Variants in NTSR2 observed in about 807,000 individuals in gnomAD.
The protein encoded by NTSR2 is neurotensin receptor 2.
In NTSR2, 22 loss-of-function variants were observed where a neutral mutation model predicts 24.1. The ratio of observed to expected loss-of-function variants is 0.91; its 90% CI spans 0.65 to 1.30. The LOEUF (loss-of-function observed/expected upper bound fraction) is 1.30. Ranked by LOEUF, NTSR2 falls within the 50% of genes most tolerant of loss-of-function variation. NTSR2 has a pLI of 0.00. For missense variants in NTSR2, 570 were observed against 570.4 expected, an observed-to-expected ratio of 1.00 and a Z score of 0.01; for synonymous variants, 291 against 267.0, an observed-to-expected ratio of 1.09 and a Z score of -0.88.
intron 2 of NTSR2, 35 bp from the exon 3 acceptor site, chr2:11,660,168 G>C (rs376176688): frequency 3.9e-6 from 6 of 1,542,220 alleles, no homozygotes. Flanking sequence ...ACAGCGCCAG[G>C]AGAAAGCAAA....
At chr2:11,669,460 G>GGGGGGGGGGGCCCCCCCCC in intron 1 of NTSR2, 46 bp downstream of exon 1, 1 of 254,720 alleles carries the variant, frequency 3.9e-6, no homozygotes. Flanking sequence ...TCCCAGCACC[G>GGGGGGGGGGGCCCCCCCCC]CCCCCCCACC....
intron 1 of NTSR2, among the ~76,000 whole-genome samples, chr2:11,668,194 C>A (rs926166503): frequency 1.1e-4 from 16 of 152,230 alleles, no homozygotes; most frequent in African/African-American, 3.9e-4. Context: ...TCATGGATTT[C>A]TCTTGGTCAT....
chr2:11,658,292 G>C lies in NTSR2; in HGVS notation c.*187C>G. The C allele has an allele frequency of 1.5e-6, 1 of 650,514 alleles. No homozygotes were observed. The highest frequency in any genetic ancestry group is 2.6e-6 in the Non-Finnish European group (1 of 391,320). The allele number at this position is 650,514 out of a possible 1,614,324, so 40.3% of individuals were successfully genotyped here. A position where few individuals can be genotyped will look rare whatever the true frequency, so the allele number is the denominator to read the frequency against. ...TGTTCTTTATCTCCACTACACAGAC[G>C]AGGGAGCCTGAGGCTAGGAGGGGTC... On this transcript the variant is annotated 3_prime_UTR_variant, in exon 4 of 4. Transcript: ENST00000306928.
chr2:11,665,055 GTTTTTTTTT>G (rs34751276), intron 1 of NTSR2, among the ~76,000 whole-genome samples: 16 of 106,680 alleles, frequency 1.5e-4, no homozygotes, highest in Middle Eastern at 4.7e-3. Context: ...CTTTGGCACT[GTTTTTTTTT>G]TTTTTTTTTT....
intron 1 of NTSR2, 47 bp downstream of exon 1, chr2:11,669,459 C>CGGGGCCGGGG: frequency 3.0e-6 from 1 of 337,896 alleles, no homozygotes; most frequent in Non-Finnish European, 5.3e-6. Context: ...CTCCCAGCAC[C>CGGGGCCGGGG]GCCCCCCCAC....
At chr2:11,659,041 C>T (rs1165689305) in intron 3 of NTSR2, among the ~76,000 whole-genome samples, 2 of 152,090 alleles carry the variant, frequency 1.3e-5, no homozygotes, top group African/African-American at 2.4e-5. Context: ...TTAGTAGAGA[C>T]GCGGTTTCAC....
chr2:11,659,971 A>G, intron 3 of NTSR2, 72 bp downstream of exon 3: 1 of 1,214,166 alleles, frequency 8.2e-7, no homozygotes, highest in Non-Finnish European at 1.2e-6. Context: ...CCCTCTGGAG[A>G]GCAATGGAGA....
In NTSR2 at chr2:11,658,503, C is replaced by T. The variant is rs150650740; in HGVS notation, c.1209G>A (p.Gly403=). The change falls in exon 4 of 4, where the codon GGG becomes GGA. Residue 403 remains glycine (G), a synonymous_variant. Transcript: ENST00000306928. Reference sequence around the variant, plus strand: ...TTCAGGTCCGGGTTTCTGGGGGATCCCCAAAGCCTGAAGCTGTATCCATTA... The same window carrying T: ...TTCAGGTCCGGGTTTCTGGGGGATCTCCAAAGCCTGAAGCTGTATCCATTA... ...PTLMDTASGF[G]DPPETRT is the part of the protein sequence containing the mutation. 2 of 1,607,572 alleles carry T rather than the reference C, an allele frequency of 1.2e-6. No individual in the cohort carries two copies. The highest frequency in any genetic ancestry group is 1.7e-6 in the Non-Finnish European group (2 of 1,176,178).
chr2:11,669,460 G>GGGGCGGGGGGGGCCCCCCC, intron 1 of NTSR2, 46 bp downstream of exon 1: 2 of 254,726 alleles, frequency 7.9e-6, no homozygotes, highest in Non-Finnish European at 6.9e-6. Flanking sequence ...TCCCAGCACC[G>GGGGCGGGGGGGGCCCCCCC]CCCCCCCACC....
At chr2:11,662,368 A>G (rs1661093494) in intron 1 of NTSR2, 128 bp from the exon 2 acceptor site, 8 of 898,860 alleles carry the variant, frequency 8.9e-6, no homozygotes, top group Admixed American at 3.1e-5. Context: ...GATAAGGTTG[A>G]GAAAGTTCTC....
Position 11,669,829 on chromosome 2 carries a change from A to AG in NTSR2, c.300dup (p.Trp101LeufsTer159), listed in dbSNP as rs751371456. 5 of 1,580,040 alleles carry AG rather than the reference A, an allele frequency of 3.2e-6. No individual in the cohort carries two copies. The highest frequency in any genetic ancestry group is 1.8e-5 in the Admixed American group (1 of 56,906). On this transcript the variant is annotated frameshift_variant, in exon 1 of 4. Transcript: ENST00000306928. LOFTEE classifies it high-confidence loss of function. ...CGGCAGCCCAGGTCGCCGAAGACCCAGGGGTAGTGGAACCACACGAAGCTG... is the reference window on the plus strand; with the variant it reads ...CGGCAGCCCAGGTCGCCGAAGACCCAGGGGGTAGTGGAACCACACGAAGCTG...
chr2:11,669,644 G>C lies in NTSR2; in HGVS notation c.486C>G (p.Ala162=). Residue 162 remains alanine, a synonymous_variant, in exon 1 of 4, where the codon GCC becomes GCG. Coordinates refer to ENST00000306928, the MANE Select transcript of NTSR2 (RefSeq NM_012344.4). ...TRWLVALSWA[A]SLGLALPMAV... ...CCATGGGCAGGGCGAGGCCGAGCGA[G>C]GCGGCCCACGAGAGCGCCACCAGCC... The C allele has an allele frequency of 6.4e-7, 1 of 1,558,446 alleles. No individual in the cohort carries two copies. Among genetic ancestry groups the C allele is most frequent in the Non-Finnish European group, 8.6e-7 (1 of 1,158,608 alleles).
intron 3 of NTSR2, among the ~76,000 whole-genome samples, chr2:11,659,420 G>A (rs1238711378): frequency 2.0e-5 from 3 of 152,260 alleles, no homozygotes; most frequent in Non-Finnish European, 4.4e-5. Flanking sequence ...AGTGGGAAGC[G>A]CTTGGCACGA....
Position 11,662,046 on chromosome 2 carries a change from G to A in NTSR2, c.819C>T (p.Ile273=). The change falls in exon 2 of 4, where the codon ATC becomes ATT. Residue 273 remains isoleucine, a synonymous_variant. Transcript: ENST00000306928. ...TCACCAGGCTGACCTGGCCTCCCTG[G>A]ATAAAGGTCTTCTTCCATACGATGA... ...LSFIVWKKTF[I]QGGQVSLVRH... is the part of the protein sequence containing the mutation. 1 of 1,613,658 alleles carries A rather than the reference G, an allele frequency of 6.2e-7. No homozygotes were observed. Among genetic ancestry groups the A allele is most frequent in the African/African-American group, 1.3e-5 (1 of 75,032 alleles).
chr2:11,669,460 G>GGGGGGGGGGGGGGGGCGGCCCCCC, intron 1 of NTSR2, 46 bp downstream of exon 1: 1 of 254,726 alleles, frequency 3.9e-6, no homozygotes, highest in African/African-American at 3.1e-5. Flanking sequence ...TCCCAGCACC[G>GGGGGGGGGGGGGGGGCGGCCCCCC]CCCCCCCACC....
Position 11,670,112 on chromosome 2 carries a change from C to G in NTSR2, c.18G>C (p.Pro6=). The change falls in exon 1 of 4, where the codon CCG becomes CCC. Residue 6 remains proline, a synonymous_variant. Coordinates refer to ENST00000306928, the MANE Select transcript of NTSR2 (RefSeq NM_012344.4). The part of the protein sequence containing the change: METSS[P]RPPRPSSNPG... ...GGTTGGAGCTGGGCCGCGGGGGCCG[C>G]GGGCTGCTGGTTTCCATCCCGCTCC... The G allele has an allele frequency of 7.2e-7, 1 of 1,385,698 alleles. No homozygotes were observed. Among genetic ancestry groups the G allele is most frequent in the South Asian group, 1.7e-5 (1 of 60,396 alleles). The allele number at this position is 1,385,698 out of a possible 1,614,324, so 85.8% of individuals were successfully genotyped here. A position where few individuals can be genotyped will look rare whatever the true frequency, so the allele number is the denominator to read the frequency against.
chr2:11,662,195 A>G lies in NTSR2; in HGVS notation c.670T>C (p.Phe224Leu). The G allele has an allele frequency of 1.3e-6, 2 of 1,569,642 alleles. No homozygotes were observed. The highest frequency in any genetic ancestry group is 1.7e-6 in the Non-Finnish European group (2 of 1,157,714). ...SFVLPLALTA[F>L]LNGVTVSHLL... The stretch of plus-strand genomic sequence containing the variant: ...TGGCTCACTGTGACCCCATTCAGGA[A>G]AGCAGTTAGTGCCAAGGGGAGCACG... Residue 224 changes from phenylalanine (F) to leucine (L), a missense_variant, in exon 2 of 4, where the codon TTC becomes CTC. By Grantham distance (22) the Phe-to-Leu change is conservative. Coordinates refer to ENST00000306928, the MANE Select transcript of NTSR2 (RefSeq NM_012344.4).
intron 1 of NTSR2, among the ~76,000 whole-genome samples, chr2:11,667,269 A>AT (rs1661224704): frequency 1.3e-5 from 2 of 151,762 alleles, no homozygotes; most frequent in Non-Finnish European, 2.9e-5. Context: ...TAGAGTTCTG[A>AT]CTACACCCCT....
rs143067546 is a variant in NTSR2, at chr2:11,658,668, G to A, written c.1044C>T (p.Tyr348=). 52 of 1,614,044 alleles carry A rather than the reference G, an allele frequency of 3.2e-5. No individual in the cohort carries two copies. In the Middle Eastern group the frequency reaches 1.3e-3, roughly 41 times the overall value. The change falls in exon 4 of 4, where the codon TAC becomes TAT. Residue 348 remains tyrosine, a synonymous_variant. Coordinates refer to ENST00000306928, the MANE Select transcript of NTSR2 (RefSeq NM_012344.4). Reference sequence around the variant, plus strand: ...GAAGAGGAGTCACAGCTGAGCTGACGTAGAAAAGTGTGTTGGTCACCATGT... The same window carrying A: ...GAAGAGGAGTCACAGCTGAGCTGACATAGAAAAGTGTGTTGGTCACCATGT... ...YFYMVTNTLF[Y]VSSAVTPLLY...
Sources: allele counts gnomAD v4.1 joint callset (sites outside exome capture counted in the v4.1 genomes callset), GRCh38; gene constraint gnomAD v4.1.1; transcripts MANE v1.5; gene names NCBI Gene and HGNC (gene_info 2026-07-23, HGNC 2026-07-21).